Variants in PRKG1 observed in about 807,000 individuals in gnomAD.
PRKG1 encodes protein kinase cGMP-dependent 1.
PRKG1 carries 35 observed loss-of-function variants against 88.1 expected under a neutral mutation model. That is an observed-to-expected ratio of 0.40 (90% CI 0.30 to 0.53). PRKG1 has a LOEUF of 0.53. Ranked by LOEUF, PRKG1 falls within the 20% of genes least tolerant of loss-of-function variation. PRKG1 has a pLI of 0.59. For synonymous variants in PRKG1, 303 were observed against 292.5 expected, an observed-to-expected ratio of 1.04 and a Z score of -0.37; for missense variants, 540 against 839.8, an observed-to-expected ratio of 0.64 and a Z score of 4.41.
At chr10:51,875,880 G>GT (rs1841285953) in intron 4 of PRKG1, among the ~76,000 whole-genome samples, 1 of 151,868 alleles carries the variant, frequency 6.6e-6, no homozygotes, top group African/African-American at 2.4e-5. Flanking sequence ...TTTGGAATAG[G>GT]TAAGTGTTAT....
rs1274671357 is a variant in PRKG1 at position 51,426,343 on chromosome 10, G to C, written c.479-41380G>C. ...GACTTAGAGGAGTCAGACCTATACT[G>C]GGTTAGGGTTAGATATGTACCCAAG... is the stretch of plus-strand genomic sequence containing the variant. On this transcript the variant is annotated intron_variant, in intron 2 of 17. Coordinates refer to ENST00000373980, the MANE Select transcript of PRKG1 (RefSeq NM_006258.4). 4.5e-4 allele frequency among the ~76,000 whole-genome samples: 68 copies of C among 152,062 alleles called. 2 individuals carry two copies. The highest frequency in any genetic ancestry group is 4.5e-3 in the Admixed American group (68 of 15,264).
intron 3 of PRKG1, among the ~76,000 whole-genome samples, chr10:51,794,532 C>A (rs897926113): frequency 2.6e-5 from 4 of 151,972 alleles, no homozygotes; most frequent in Non-Finnish European, 5.9e-5. Flanking sequence ...AAGTAGAAAT[C>A]ATTTTTCTAC....
intron 3 of PRKG1, among the ~76,000 whole-genome samples, chr10:51,766,192 G>A (rs2132536459): frequency 6.6e-6 from 1 of 152,108 alleles, no homozygotes; most frequent in East Asian, 1.9e-4. Context: ...GCAGAGAGGA[G>A]GCCCAAAAGA....
At chr10:51,948,152 C>T (rs1382028172) in intron 5 of PRKG1, among the ~76,000 whole-genome samples, 3 of 151,892 alleles carry the variant, frequency 2.0e-5, no homozygotes, top group African/African-American at 7.3e-5. Context: ...TACATTGTTA[C>T]CTCAAACAAG....
intron 3 of PRKG1, among the ~76,000 whole-genome samples, chr10:51,689,128 T>C (rs1672445325): frequency 2.0e-5 from 3 of 152,144 alleles, no homozygotes; most frequent in Admixed American, 2.0e-4. Flanking sequence ...CTGTGAGTTC[T>C]CCATTAAACC....
At chr10:51,331,452 C>T (rs1337988279) in intron 2 of PRKG1, among the ~76,000 whole-genome samples, 2 of 152,104 alleles carry the variant, frequency 1.3e-5, no homozygotes, top group Non-Finnish European at 2.9e-5. Flanking sequence ...TTCTGTCCAG[C>T]TGGGTTTTAC....
chr10:52,015,661 CCTTTATG>C (rs1353923109), intron 5 of PRKG1, among the ~76,000 whole-genome samples: 3 of 152,168 alleles, frequency 2.0e-5, no homozygotes, highest in Non-Finnish European at 2.9e-5. Flanking sequence ...ATTTTTCAAA[CCTTTATG>C]CTTTGCTTTC....
intron 3 of PRKG1, chr10:51,698,891 C>G (rs1841383810): frequency 6.2e-7 from 1 of 1,611,046 alleles, no homozygotes; most frequent in African/African-American, 1.3e-5. Flanking sequence ...TGGGCAGAGC[C>G]CAGGGCCAGG....
intron 7 of PRKG1, among the ~76,000 whole-genome samples, chr10:52,114,886 G>C (rs1336657225): frequency 6.6e-6 from 1 of 152,060 alleles, no homozygotes; most frequent in Non-Finnish European, 1.5e-5. Context: ...ATGGAGCATT[G>C]TAAAGGAAAT....
intron 3 of PRKG1, among the ~76,000 whole-genome samples, chr10:51,770,759 C>A (rs966528071): frequency 3.9e-5 from 6 of 152,106 alleles, no homozygotes; most frequent in African/African-American, 1.4e-4. Context: ...TCCCCTACAG[C>A]CCCGTTTGTG....
At chr10:52,235,322 C>A (rs1212347) in intron 9 of PRKG1, among the ~76,000 whole-genome samples, 8,657 of 48,664 alleles carry the variant, frequency 0.18, 630 homozygotes, top group Admixed American at 0.21. Context: ...ACACTATTAA[C>A]TTTAAATGTA....
intron 5 of PRKG1, among the ~76,000 whole-genome samples, chr10:51,952,164 A>C (rs896757038): frequency 6.6e-6 from 1 of 152,230 alleles, no homozygotes; most frequent in Admixed American, 6.5e-5. Flanking sequence ...AGTTGACATC[A>C]ACTTCAATAT....
intron 5 of PRKG1, among the ~76,000 whole-genome samples, chr10:52,020,760 C>T (rs540954146): frequency 2.5e-4 from 38 of 152,232 alleles, no homozygotes; most frequent in African/African-American, 8.9e-4. Flanking sequence ...CTTTCTTCCC[C>T]TTTCTGGTGG....
chr10:51,293,644 T>A (rs1375456473), intron 2 of PRKG1, among the ~76,000 whole-genome samples: 1 of 152,204 alleles, frequency 6.6e-6, no homozygotes, highest in East Asian at 1.9e-4. Context: ...TTTAGATTAC[T>A]TCCATGTCTT....
At chr10:51,467,124 A>C (rs1016994876) in intron 2 of PRKG1, among the ~76,000 whole-genome samples, 4 of 151,970 alleles carry the variant, frequency 2.6e-5, no homozygotes, top group Admixed American at 6.6e-5. Context: ...CAAGTCCTTT[A>C]TCAAACATAA....
chr10:51,180,962 T>G (rs1837325891), intron 2 of PRKG1, among the ~76,000 whole-genome samples: 1 of 152,184 alleles, frequency 6.6e-6, no homozygotes, highest in Non-Finnish European at 1.5e-5. Context: ...ATACATCTAT[T>G]TTATTATTTG....
At chr10:51,880,194 A>G (rs1589383392) in intron 4 of PRKG1, among the ~76,000 whole-genome samples, 2 of 152,120 alleles carry the variant, frequency 1.3e-5, no homozygotes, top group South Asian at 4.1e-4. Context: ...TATTTTAGTC[A>G]TTATAATTAT....
chr10:51,647,410 G>A (rs939304549), intron 3 of PRKG1, among the ~76,000 whole-genome samples: 3 of 152,176 alleles, frequency 2.0e-5, no homozygotes, highest in Non-Finnish European at 4.4e-5. Context: ...TGAGCCTCCA[G>A]TATACTGTTC....
intron 3 of PRKG1, among the ~76,000 whole-genome samples, chr10:51,578,986 T>TTC (rs1564558554): frequency 7.5e-6 from 1 of 133,642 alleles, no homozygotes; most frequent in East Asian, 2.0e-4. Flanking sequence ...GTTGGTTTTT[T>TTC]TTTTTTTTTT....
Sources: gnomAD v4.1 joint callset for allele counts (sites outside exome capture counted in the v4.1 genomes callset) on GRCh38, gnomAD v4.1.1 for gene constraint, MANE v1.5 for transcripts, NCBI Gene and HGNC (gene_info 2026-07-23, HGNC 2026-07-21) for gene names.